SEMA3A: variants seen among roughly 807,000 people sequenced by gnomAD.
The protein encoded by SEMA3A is semaphorin 3A.
SEMA3A carries 29 observed loss-of-function variants against 97.9 expected under a neutral mutation model. The observed-to-expected ratio is 0.30, with a 90% CI of 0.22 to 0.40. SEMA3A has a LOEUF of 0.40. Among genes scored for constraint, SEMA3A ranks in the 10% least tolerant of loss-of-function variants. The pLI, the probability that SEMA3A is intolerant of heterozygous loss-of-function variation, is 1.00. For missense variants in SEMA3A, 763 were observed against 951.3 expected, an observed-to-expected ratio of 0.80 and a Z score of 2.60; for synonymous variants, 321 against 323.7, an observed-to-expected ratio of 0.99 and a Z score of 0.09.
intron 4 of SEMA3A, among the ~76,000 whole-genome samples, chr7:84,076,816 A>T (rs1176127403): frequency 6.6e-6 from 1 of 152,142 alleles, no homozygotes; most frequent in African/African-American, 2.4e-5. Context: ...TTAGAGTTGG[A>T]TTAAATAGGA....
chr7:84,080,157 A>C (rs1429162949), intron 4 of SEMA3A, among the ~76,000 whole-genome samples: 1 of 102,282 alleles, frequency 9.8e-6, no homozygotes, highest in Non-Finnish European at 1.8e-5. Flanking sequence ...GAACAATGAG[A>C]ACACATGGAC....
Position 84,149,182 on chromosome 7 carries a change from T to C in SEMA3A, c.113-14231A>G, listed in dbSNP as rs1037515278. Among the ~76,000 whole-genome samples the C allele has an allele frequency of 5.9e-5, 9 of 152,316 alleles. No homozygotes were observed. In the East Asian group the frequency reaches 1.5e-3, roughly 26 times the overall value. On this transcript the variant is annotated intron_variant, in intron 1 of 16. Transcript: ENST00000265362. ...AAGTAATTATTTAGCAAAAACTATC[T>C]GAAAGTATTAATTCTAGAATTTATT...
intron 3 of SEMA3A, among the ~76,000 whole-genome samples, chr7:84,125,691 T>C (rs796490581): frequency 1.3e-5 from 2 of 152,132 alleles, no homozygotes; most frequent in South Asian, 4.1e-4. Context: ...TTTTTTGTAT[T>C]AATAACAGGG....
At chr7:84,023,325 C>A (rs1390164739) in intron 6 of SEMA3A, among the ~76,000 whole-genome samples, 1 of 152,114 alleles carries the variant, frequency 6.6e-6, no homozygotes, top group Non-Finnish European at 1.5e-5. Context: ...TTTGGCTGGA[C>A]CTATCCCTTC....
exon 2 of SEMA3A, chr7:84,371,894 A>T (rs1252482052): frequency 6.6e-6 from 1 of 151,976 alleles, no homozygotes; most frequent in African/African-American, 2.4e-5. Context: ...TGGTTTTTTT[A>T]AATATTCTGG....
intron 1 of SEMA3A, among the ~76,000 whole-genome samples, chr7:84,179,005 A>C (rs554015751): frequency 6.6e-6 from 1 of 151,876 alleles, no homozygotes; most frequent in African/African-American, 2.4e-5. Context: ...ATTTCTTTTC[A>C]CATAAAGACT....
intron 1 of SEMA3A, among the ~76,000 whole-genome samples, chr7:84,395,405 C>G (rs555045685): frequency 6.6e-6 from 1 of 150,890 alleles, no homozygotes; most frequent in South Asian, 2.1e-4. Flanking sequence ...AGTATACTTT[C>G]AGAAACATCA....
At chr7:84,406,474 A>G (rs1175019176) in intron 1 of SEMA3A, among the ~76,000 whole-genome samples, 2 of 152,192 alleles carry the variant, frequency 1.3e-5, no homozygotes, top group Non-Finnish European at 2.9e-5. Context: ...AGAGGTACAA[A>G]GAGGAGCTGG....
At chr7:84,035,423 A>G (rs1791903909) in intron 6 of SEMA3A, among the ~76,000 whole-genome samples, 1 of 152,050 alleles carries the variant, frequency 6.6e-6, no homozygotes. Flanking sequence ...TTTATTGTCC[A>G]TATTGTAGGA....
At chr7:84,366,323 G>A (rs2116083943) in intron 2 of SEMA3A, among the ~76,000 whole-genome samples, 1 of 151,300 alleles carries the variant, frequency 6.6e-6, no homozygotes, top group South Asian at 2.1e-4. Context: ...TTCAACTAAA[G>A]CAGAAATATA....
At chr7:84,242,180 T>G (rs1469078972) in intron 3 of SEMA3A, among the ~76,000 whole-genome samples, 2 of 152,074 alleles carry the variant, frequency 1.3e-5, no homozygotes, top group Non-Finnish European at 2.9e-5. Context: ...TCAATGGTAG[T>G]TTGATGGGGA....
intron 15 of SEMA3A, among the ~76,000 whole-genome samples, chr7:83,969,018 C>A (rs911599656): frequency 2.0e-5 from 3 of 151,966 alleles, no homozygotes; most frequent in African/African-American, 7.3e-5. Context: ...ACCATGTTGG[C>A]CAGGCTTGTC....
At chr7:84,066,994 A>G (rs982107310) in intron 4 of SEMA3A, among the ~76,000 whole-genome samples, 17 of 152,252 alleles carry the variant, frequency 1.1e-4, no homozygotes, top group African/African-American at 3.6e-4. Flanking sequence ...ACAAAGCTGG[A>G]GGCATCACAC....
intron 3 of SEMA3A, among the ~76,000 whole-genome samples, chr7:84,225,944 AT>A (rs1798981430): frequency 6.6e-6 from 1 of 152,094 alleles, no homozygotes; most frequent in African/African-American, 2.4e-5. Flanking sequence ...AAACATTATT[AT>A]TTATTAGTTG....
chr7:84,452,562 C>T (rs1232710695), intron 1 of SEMA3A, among the ~76,000 whole-genome samples: 1 of 152,142 alleles, frequency 6.6e-6, no homozygotes, highest in Admixed American at 6.6e-5. Context: ...TCCAAACCTA[C>T]ATGTTCCTTT....
intron 1 of SEMA3A, among the ~76,000 whole-genome samples, chr7:84,170,564 T>C (rs1425463822): frequency 6.6e-6 from 1 of 152,022 alleles, no homozygotes; most frequent in African/African-American, 2.4e-5. Context: ...AAACTTTATA[T>C]GGAGAGAGTT....
At chr7:83,998,286 G>A (rs538362104) in intron 12 of SEMA3A, among the ~76,000 whole-genome samples, 4 of 152,250 alleles carry the variant, frequency 2.6e-5, no homozygotes, top group East Asian at 1.9e-4. Context: ...CCTAGGATAC[G>A]AACCTGTATA....
chr7:84,416,623 C>G (rs1377921428), intron 1 of SEMA3A, among the ~76,000 whole-genome samples: 3 of 152,018 alleles, frequency 2.0e-5, no homozygotes, highest in Non-Finnish European at 2.9e-5. Context: ...AGCTTAAAAA[C>G]GCAAAGGTTT....
rs1398968134 is a variant in SEMA3A, at chr7:84,194,543, A to G, written c.44T>C (p.Leu15Ser). The G allele has an allele frequency of 1.2e-6, 2 of 1,613,392 alleles. No individual in the cohort carries two copies. Among genetic ancestry groups the G allele is most frequent in the Admixed American group, 1.7e-5 (1 of 60,002 alleles). The change falls in exon 1 of 17, where the codon TTA becomes TCA. Residue 15 changes from leucine (L) to serine (S), a missense_variant. Physicochemically the swap from Leu to Ser is moderately radical, Grantham distance 145 (BLOSUM62 -2). Transcript: ENST00000265362. ...TRIVCLFWGV[L>S]LTARANYQNG... ...CTGATAGTTTGCTCTTGCTGTAAGT[A>G]ATACTCCCCAGAAAAGACAGACAAT...
Sources: allele counts gnomAD v4.1 joint callset (sites outside exome capture counted in the v4.1 genomes callset), GRCh38; gene constraint gnomAD v4.1.1; transcripts MANE v1.5; gene names NCBI Gene and HGNC (gene_info 2026-07-23, HGNC 2026-07-21).